The following FAM81A variants were observed in gnomAD, a reference collection of about 807,000 sequenced individuals.
FAM81A encodes protein FAM81A.
A neutral mutation model predicts 46.7 loss-of-function variants in FAM81A; 19 were observed. The observed-to-expected ratio is 0.41, with a 90% CI of 0.28 to 0.60. The LOEUF (loss-of-function observed/expected upper bound fraction) is 0.60. FAM81A is among the 20% of genes least tolerant of loss of function. The probability of loss-of-function intolerance (pLI) is 0.34; values close to 1 mark genes in which losing one functional copy is unlikely to be tolerated. For synonymous variants in FAM81A, 183 were observed against 152.9 expected, an observed-to-expected ratio of 1.20 and a Z score of -1.45; for missense variants, 377 against 453.5, an observed-to-expected ratio of 0.83 and a Z score of 1.53.
At chr15:59,512,434 T>G (rs191282431) in intron 6 of FAM81A, among the ~76,000 whole-genome samples, 2 of 128,774 alleles carry the variant, frequency 1.6e-5, no homozygotes, top group African/African-American at 6.3e-5. Context: ...ATCACACCAC[T>G]GTACTCCAGC....
chr15:59,488,726 C>A (rs570461018), intron 3 of FAM81A, among the ~76,000 whole-genome samples: 78 of 152,260 alleles, frequency 5.1e-4, no homozygotes, highest in African/African-American at 1.8e-3. Context: ...CCTATAATCC[C>A]AGCACTTTGG....
chr15:59,479,542 AGGAT>A (rs1243123359), intron 3 of FAM81A, among the ~76,000 whole-genome samples: 18 of 117,034 alleles, frequency 1.5e-4, no homozygotes, highest in African/African-American at 5.7e-4. Context: ...AAAAAAAAAA[AGGAT>A]GGTAAGGGAA....
intron 6 of FAM81A, among the ~76,000 whole-genome samples, chr15:59,512,187 A>T (rs2082217953): frequency 6.6e-6 from 1 of 152,120 alleles, no homozygotes; most frequent in Admixed American, 6.5e-5. Flanking sequence ...ATTTAAAAAT[A>T]TGCAATGCTG....
chr15:59,500,903 C>G (rs1229068550), intron 4 of FAM81A, among the ~76,000 whole-genome samples: 1 of 151,868 alleles, frequency 6.6e-6, no homozygotes, highest in Non-Finnish European at 1.5e-5. Flanking sequence ...ATTATACATT[C>G]CTTTACTTTT....
intron 3 of FAM81A, among the ~76,000 whole-genome samples, chr15:59,488,426 C>G (rs1280323340): frequency 2.6e-5 from 4 of 152,024 alleles, no homozygotes; most frequent in Admixed American, 6.6e-5. Context: ...CTAGAGCAAT[C>G]AGACAAAAGA....
At chr15:59,515,205 C>T (rs1328487720) in intron 7 of FAM81A, among the ~76,000 whole-genome samples, 1 of 152,288 alleles carries the variant, frequency 6.6e-6, no homozygotes, top group Non-Finnish European at 1.5e-5. Flanking sequence ...TGACTGCACG[C>T]TGCACTCCAG....
chr15:59,437,769 A>G (rs2081253365), upstream of FAM81A, among the ~76,000 whole-genome samples: 1 of 152,092 alleles, frequency 6.6e-6, no homozygotes, highest in Admixed American at 6.5e-5. Flanking sequence ...GGGGCTCTAG[A>G]GAGAATTGCA....
intron 3 of FAM81A, among the ~76,000 whole-genome samples, chr15:59,476,653 G>A (rs12913252): frequency 0.77 from 116,888 of 151,814 alleles, 45,116 homozygotes; most frequent in East Asian, 0.85. Context: ...AGCTGGGCCT[G>A]ATGGCATGTG....
chr15:59,402,051 C>T (rs1387362012), intron 1 of FAM81A: 10 of 544,346 alleles, frequency 1.8e-5, no homozygotes, highest in Non-Finnish European at 3.0e-5. Context: ...GTGCGAAAAA[C>T]GCTCTCAATT....
Position 59,420,660 on chromosome 15 carries a change from C to T in FAM81A, c.-78+18302C>T, listed in dbSNP as rs186863078. On this transcript the variant is annotated intron_variant, in intron 2 of 4. Coordinates refer to the FAM81A transcript ENST00000558348. ...ATTTTAATGACAGGGTTCCTACCCC[C>T]AGTATCACTCATCCAGTGACGAAGC... Among the ~76,000 whole-genome samples, 8 of 151,034 alleles carry T rather than the reference C, an allele frequency of 5.3e-5. 1 individual carries two copies. The highest frequency in any genetic ancestry group is 2.0e-4 in the African/African-American group (8 of 40,338).
intron 4 of FAM81A, among the ~76,000 whole-genome samples, chr15:59,497,919 A>G (rs532677987): frequency 6.6e-6 from 1 of 152,312 alleles, no homozygotes; most frequent in South Asian, 2.1e-4. Flanking sequence ...GTGCAGTGGC[A>G]TGATCACAAT....
At chr15:59,402,705 TA>T (rs1200832731) in intron 2 of FAM81A, among the ~76,000 whole-genome samples, 4 of 131,004 alleles carry the variant, frequency 3.1e-5, no homozygotes, top group Non-Finnish European at 4.6e-5. Flanking sequence ...CAAGCCTGGA[TA>T]TTTTTTTGGG....
chr15:59,451,275 T>C (rs1282764183), intron 1 of FAM81A, among the ~76,000 whole-genome samples: 4 of 152,102 alleles, frequency 2.6e-5, no homozygotes, highest in African/African-American at 9.7e-5. Context: ...ACTCTCCTTT[T>C]ATGCACAGCT....
intron 4 of FAM81A, among the ~76,000 whole-genome samples, chr15:59,500,441 G>C (rs1234522753): frequency 6.6e-6 from 1 of 151,750 alleles, no homozygotes; most frequent in Non-Finnish European, 1.5e-5. Flanking sequence ...GGGACTGTAG[G>C]CATGCATCAC....
chr15:59,433,473 G>A (rs2081229988), upstream of FAM81A, among the ~76,000 whole-genome samples: 1 of 151,982 alleles, frequency 6.6e-6, no homozygotes, highest in African/African-American at 2.4e-5. Context: ...TGTACTTTAG[G>A]CATAACTACT....
At chr15:59,474,995 C>G (rs1033256958) in intron 3 of FAM81A, among the ~76,000 whole-genome samples, 2 of 152,128 alleles carry the variant, frequency 1.3e-5, no homozygotes, top group East Asian at 3.8e-4. Context: ...CTAGATAATT[C>G]TAGCTTTAGT....
intron 5 of FAM81A, 122 bp downstream of exon 5, chr15:59,507,464 T>A: frequency 7.8e-7 from 1 of 1,284,022 alleles, no homozygotes; most frequent in East Asian, 2.6e-5. Context: ...TTTATGCCAA[T>A]CATAAGCATC....
At chr15:59,405,800 T>TA (rs1422668272) in intron 2 of FAM81A, among the ~76,000 whole-genome samples, 1 of 152,166 alleles carries the variant, frequency 6.6e-6, no homozygotes, top group Non-Finnish European at 1.5e-5. Flanking sequence ...ACTTTTGAGT[T>TA]ATCTCATTTT....
intron 3 of FAM81A, among the ~76,000 whole-genome samples, chr15:59,471,722 G>A (rs1480046603): frequency 6.6e-6 from 1 of 151,858 alleles, no homozygotes; most frequent in African/African-American, 2.4e-5. Flanking sequence ...ATAGGTATGA[G>A]CCACTGTACC....
Sources: allele counts gnomAD v4.1 joint callset (sites outside exome capture counted in the v4.1 genomes callset), GRCh38; gene constraint gnomAD v4.1.1; transcripts MANE v1.5; gene names NCBI Gene and HGNC (gene_info 2026-07-23, HGNC 2026-07-21).